The following RAD51D variants were observed in gnomAD, a reference collection of about 807,000 sequenced individuals.
The protein encoded by RAD51D is DNA repair protein RAD51 homolog 4.
A neutral mutation model predicts 44.1 loss-of-function variants in RAD51D; 38 were observed. The ratio of observed to expected loss-of-function variants is 0.86; its 90% CI spans 0.67 to 1.13. The LOEUF is 1.13. Ranked by LOEUF, RAD51D falls within the 50% of genes most tolerant of loss-of-function variation. The pLI, the probability that RAD51D is intolerant of heterozygous loss-of-function variation, is 0.00. For synonymous variants in RAD51D, 141 were observed against 166.6 expected (o/e 0.85, Z 1.18); for missense variants, 390 against 414.0 (o/e 0.94, Z 0.50).
chr17:35,096,964 A>G lies in RAD51D; in HGVS notation c.*3989T>C, dbSNP rs1438794884. 1 of 152,184 alleles carries G rather than the reference A, an allele frequency of 6.6e-6. No individual in the cohort carries two copies. Among genetic ancestry groups the G allele is most frequent in the Non-Finnish European group, 1.5e-5 (1 of 68,036 alleles). The allele number at this position is 152,184 out of a possible 1,614,324, so 9.4% of individuals were successfully genotyped here. A position where few individuals can be genotyped will look rare whatever the true frequency, so the allele number is the denominator to read the frequency against. The stretch of plus-strand genomic sequence containing the variant: ...TGGACCTTTGCCTGAGTCCTTGGGA[A>G]TTCAAATGCCTGATTTTTAATTAAG... On this transcript the variant is annotated 3_prime_UTR_variant, in exon 10 of 10. Coordinates refer to ENST00000345365, the MANE Select transcript of RAD51D (RefSeq NM_002878.4).
chr17:35,109,964 G>GATTT (rs1567730134), intron 3 of RAD51D, among the ~76,000 whole-genome samples: 2 of 64,690 alleles, frequency 3.1e-5, no homozygotes, highest in East Asian at 1.3e-3. Context: ...ACCACGCCTG[G>GATTT]CTTTTTTTTT....
At position 35,095,588 on chromosome 17, in the gene RAD51D, G is replaced by A. The variant is rs911586175; in HGVS notation, c.*5365C>T. ...GCAGATCATCTGAGGTCAGGAGTTCGAGACCAGCCATGGCCAACATGATGA... is the reference window on the plus strand; with the variant it reads ...GCAGATCATCTGAGGTCAGGAGTTCAAGACCAGCCATGGCCAACATGATGA... On this transcript the variant is annotated 3_prime_UTR_variant, in exon 10 of 10. Transcript: ENST00000345365. 3.9e-5 allele frequency: 6 copies of A among 151,926 alleles called. No individual in the cohort carries two copies. The highest frequency in any genetic ancestry group is 1.2e-4 in the African/African-American group (5 of 41,284). 9.4% of individuals were successfully genotyped at this position (151,926 alleles called of 1,614,324 possible).
intron 3 of RAD51D, among the ~76,000 whole-genome samples, chr17:35,116,604 C>T (rs1241920447): frequency 6.6e-6 from 1 of 152,120 alleles, no homozygotes; most frequent in African/African-American, 2.4e-5. Flanking sequence ...ATGCTATTCT[C>T]CTGCCTCAGC....
chr17:35,107,015 C>A lies in RAD51D; in HGVS notation c.453G>T (p.Gln151His). ...GTTCCTCCTCATCCTGGGTTTTAGC[C>A]TGAAGCAGCTGGAGGAGGCGGGAAG... ...LTASRLLQLL[Q>H]AKTQDEEEQA... The change falls in exon 5 of 10, where the codon CAG becomes CAT. Residue 151 changes from glutamine (Q) to histidine (H), a missense_variant. Transcript: ENST00000345365. 6.2e-7 allele frequency: 1 copy of A among 1,614,184 alleles called. No homozygotes were observed. Among genetic ancestry groups the A allele is most frequent in the Non-Finnish European group, 8.5e-7 (1 of 1,180,032 alleles).
intron 3 of RAD51D, among the ~76,000 whole-genome samples, chr17:35,108,783 A>C (rs1350066923): frequency 2.0e-5 from 3 of 151,894 alleles, no homozygotes; most frequent in Admixed American, 2.0e-4. Flanking sequence ...GGCAACCACT[A>C]ATCTCTATTA....
At chr17:35,112,374 C>G (rs752730799) in intron 3 of RAD51D, among the ~76,000 whole-genome samples, 14 of 152,072 alleles carry the variant, frequency 9.2e-5, no homozygotes, top group Non-Finnish European at 1.9e-4. Flanking sequence ...CCACGCCCAG[C>G]CATTTTGTTT....
At chr17:35,113,880 C>T (rs1282511695) in intron 3 of RAD51D, among the ~76,000 whole-genome samples, 1 of 152,210 alleles carries the variant, frequency 6.6e-6, no homozygotes, top group Admixed American at 6.5e-5. Context: ...ACACTTGAAA[C>T]TTGAGTTTCA....
At position 35,107,082 on chromosome 17, in the gene RAD51D, T is replaced by C. The variant is rs1165240216; in HGVS notation, c.386A>G (p.Gln129Arg). The change falls in exon 5 of 10, where the codon CAG becomes CGG. Residue 129 changes from glutamine to arginine, a missense_variant. Transcript: ENST00000345365. ...CMAANVAHGL[Q>R]QNVLYVDSNG... ...GGAATCTACATATAGGACGTTTTGC[T>C]GCAGGCCATGGGCCACATTTGCTGC... 6.2e-7 allele frequency: 1 copy of C among 1,614,096 alleles called. No homozygotes were observed. The highest frequency in any genetic ancestry group is 1.7e-5 in the Admixed American group (1 of 60,018).
intron 3 of RAD51D, among the ~76,000 whole-genome samples, chr17:35,108,496 T>TAAAA (rs1567729412): frequency 8.0e-6 from 1 of 125,522 alleles, no homozygotes; most frequent in South Asian, 2.5e-4. Context: ...CCTTTTCTCT[T>TAAAA]TAAAAAAAAA....
intron 3 of RAD51D, among the ~76,000 whole-genome samples, chr17:35,112,356 G>A (rs902363550): frequency 1.3e-5 from 2 of 151,788 alleles, no homozygotes; most frequent in Non-Finnish European, 2.9e-5. Flanking sequence ...GATTACAGGC[G>A]TGAACCACCA....
chr17:35,105,637 A>C (rs894590700), intron 6 of RAD51D, among the ~76,000 whole-genome samples: 33 of 152,302 alleles, frequency 2.2e-4, no homozygotes, highest in Non-Finnish European at 3.4e-4. Context: ...ATCCTGTCTA[A>C]GCACCCAACA....
Position 35,118,633 on chromosome 17 carries a change from CCA to C in RAD51D, c.145-16_145-15del, listed in dbSNP as rs1555570314. On this transcript the variant is annotated splice_polypyrimidine_tract_variant and intron_variant, in intron 2 of 9. Coordinates refer to ENST00000345365, the MANE Select transcript of RAD51D (RefSeq NM_002878.4). ...GGCAACCAGGGCCTGCCAAAGGGCC[CCA>C]GACTGCTCAGCAACAAATTGCCCGT... 6.2e-7 allele frequency: 1 copy of C among 1,604,538 alleles called. No individual in the cohort carries two copies. Among genetic ancestry groups the C allele is most frequent in the Non-Finnish European group, 8.5e-7 (1 of 1,171,370 alleles).
intron 1 of RAD51D, 130 bp from the exon 2 acceptor site, chr17:35,119,302 T>C: frequency 1.0e-6 from 1 of 983,208 alleles, no homozygotes; most frequent in Non-Finnish European, 1.6e-6. Context: ...CAGTGTGAAA[T>C]AACAAAGCTG....
intron 3 of RAD51D, among the ~76,000 whole-genome samples, chr17:35,108,390 A>G (rs2091635430): frequency 6.6e-6 from 1 of 150,740 alleles, no homozygotes; most frequent in Admixed American, 6.6e-5. Flanking sequence ...GTATTGTACT[A>G]GCCAGGGGCC....
chr17:35,117,972 C>T (rs994439281), intron 3 of RAD51D, among the ~76,000 whole-genome samples: 1 of 152,222 alleles, frequency 6.6e-6, no homozygotes, highest in Admixed American at 6.5e-5. Flanking sequence ...GAAGAGATTA[C>T]CTAGAACATA....
chr17:35,116,261 C>A (rs908757393), intron 3 of RAD51D, among the ~76,000 whole-genome samples: 2 of 152,196 alleles, frequency 1.3e-5, no homozygotes, highest in African/African-American at 4.8e-5. Context: ...CACCCTTCCA[C>A]CCTGCACACC....
chr17:35,119,355 CCT>C (rs994050977), intron 1 of RAD51D, 175 bp downstream of exon 1: 2 of 911,976 alleles, frequency 2.2e-6, no homozygotes, highest in Non-Finnish European at 3.5e-6. Flanking sequence ...GAATCTCTAC[CCT>C]GTTTTAGAGC....
rs2091775772 is a variant in RAD51D, at chr17:35,118,510, C to A, written c.254G>T (p.Gly85Val). The change falls in exon 3 of 10, where the codon GGC (glycine) becomes GTC (valine). Residue 85 changes from glycine to valine, a missense_variant. Physicochemically the swap from Gly to Val is moderately radical, Grantham distance 109. Transcript: ENST00000345365. ...LKTSTAILSTGIGSLDKLLDA... is the reference protein window; with the variant it reads ...LKTSTAILSTVIGSLDKLLDA... ...AAGTACACACACAAACCTGCCAATG[C>A]CAGTGGACAGGATGGCAGTGGAGGT... 2 of 1,613,728 alleles carry A rather than the reference C, an allele frequency of 1.2e-6. No homozygotes were observed. The highest frequency in any genetic ancestry group is 1.7e-6 in the Non-Finnish European group (2 of 1,179,644).
chr17:35,117,530 C>A (rs1463960860), intron 3 of RAD51D, among the ~76,000 whole-genome samples: 1 of 152,154 alleles, frequency 6.6e-6, no homozygotes, highest in Non-Finnish European at 1.5e-5. Flanking sequence ...CGCTCTGCCA[C>A]CAAGGCTGGA....
Sources: gnomAD v4.1 joint callset for allele counts (sites outside exome capture counted in the v4.1 genomes callset) on GRCh38, gnomAD v4.1.1 for gene constraint, MANE v1.5 for transcripts, NCBI Gene and HGNC (gene_info 2026-07-23, HGNC 2026-07-21) for gene names.